The following KIAA0930 variants were observed in gnomAD, a reference collection of about 807,000 sequenced individuals.
KIAA0930 encodes the protein KIAA0930.
In KIAA0930, 24 loss-of-function variants were observed where a neutral mutation model predicts 43.9. That is an observed-to-expected ratio of 0.55 (90% confidence interval 0.40 to 0.77). The LOEUF (loss-of-function observed/expected upper bound fraction) is 0.77. Among genes scored for constraint, KIAA0930 ranks in the 30% least tolerant of loss-of-function variants. The pLI is 0.00. For synonymous variants in KIAA0930, 259 were observed against 216.4 expected, an observed-to-expected ratio of 1.20 and a Z score of -1.73; for missense variants, 461 against 574.2, an observed-to-expected ratio of 0.80 and a Z score of 2.02.
At chr22:45,199,842 G>C (rs755776356) in intron 8 of KIAA0930, 31 bp downstream of exon 8, 4 of 1,513,882 alleles carry the variant, frequency 2.6e-6, no homozygotes, top group Non-Finnish European at 3.6e-6. Flanking sequence ...TGAAGGGCAC[G>C]GGGACCCTAG....
At chr22:45,227,479 G>C (rs1477364384) in intron 1 of KIAA0930, among the ~76,000 whole-genome samples, 1 of 152,174 alleles carries the variant, frequency 6.6e-6, no homozygotes, top group Admixed American at 6.5e-5. Flanking sequence ...ATATGTTTGA[G>C]CATGAGAAGG....
intron 1 of KIAA0930, chr22:45,212,432 G>A (rs750215099): frequency 2.0e-6 from 3 of 1,497,630 alleles, no homozygotes; most frequent in Middle Eastern, 2.3e-4. Flanking sequence ...AGCCAGGAAC[G>A]CCACTGGCTG....
chr22:45,237,129 T>C (rs1038501518), intron 1 of KIAA0930, among the ~76,000 whole-genome samples: 2 of 152,262 alleles, frequency 1.3e-5, no homozygotes, highest in Admixed American at 1.3e-4. Context: ...TTTGTCCCCC[T>C]TCAGTCCAAA....
In KIAA0930 at chr22:45,197,281, C is replaced by T. The variant is rs1431296398; in HGVS notation, c.1175-65G>A. On this transcript the variant is annotated intron_variant, in intron 9 of 9. Transcript: ENST00000336156. ...TCAACAGCGGTGAGTGCTATGGTCA[C>T]GGCAGTGCCACTTCTGAAGGAAGCC... is the stretch of plus-strand genomic sequence containing the variant. 33 of 1,424,294 alleles carry T rather than the reference C, an allele frequency of 2.3e-5. No individual in the cohort carries two copies. In the Admixed American group the frequency reaches 4.6e-4, roughly 20 times the overall value. 88.2% of individuals were successfully genotyped at this position (1,424,294 alleles called of 1,614,324 possible). A position where few individuals can be genotyped will look rare whatever the true frequency, so the allele number is the denominator to read the frequency against.
chr22:45,199,939 C>T lies in KIAA0930; in HGVS notation c.949G>A (p.Ala317Thr), dbSNP rs745738357. ...GCCGAGTGCGACTTCTTCATCTCAG[C>T]GATCCGGTTCCGGGGCACCTTCCTC... is the stretch of plus-strand genomic sequence containing the variant. ...LKRKVPRNRI[A>T]EMKKSHSAND... The change falls in exon 8 of 10, where the codon GCT becomes ACT. Residue 317 changes from alanine (A) to threonine (T), a missense_variant. Transcript: ENST00000336156. The T allele has an allele frequency of 9.9e-6, 16 of 1,609,202 alleles. No homozygotes were observed. Among genetic ancestry groups the T allele is most frequent in the South Asian group, 9.9e-5 (9 of 90,588 alleles).
intron 8 of KIAA0930, 82 bp downstream of exon 8, chr22:45,199,779 CAAATGAATGAAT>C (rs1241369989): frequency 7.9e-7 from 1 of 1,269,000 alleles, no homozygotes; most frequent in Non-Finnish European, 1.1e-6. Flanking sequence ...GCTGAATGAA[CAAATGAATGAAT>C]GAATAAATGA....
chr22:45,200,303 C>T (rs2083576364), intron 7 of KIAA0930: 1 of 407,774 alleles, frequency 2.5e-6, no homozygotes, highest in Admixed American at 4.3e-5. Flanking sequence ...AGAAAGACCC[C>T]CCTCCTCTGG....
intron 6 of KIAA0930, 110 bp downstream of exon 6, chr22:45,203,735 C>T (rs768256879): frequency 2.9e-5 from 37 of 1,283,340 alleles, no homozygotes; most frequent in East Asian, 5.0e-5. Flanking sequence ...CCCTGGCGGC[C>T]GCTACCATGC....
chr22:45,208,294 G>C (rs1361253977), intron 2 of KIAA0930, among the ~76,000 whole-genome samples: 1 of 152,152 alleles, frequency 6.6e-6, no homozygotes, highest in Non-Finnish European at 1.5e-5. Flanking sequence ...TCCAATGTAT[G>C]AGCTGTGAGA....
intron 1 of KIAA0930, among the ~76,000 whole-genome samples, chr22:45,217,292 C>T (rs1365949220): frequency 1.5e-5 from 2 of 130,084 alleles, no homozygotes; most frequent in Admixed American, 9.6e-5. Flanking sequence ...ACCCGGGAGG[C>T]GGAAGTTGCA....
At chr22:45,236,431 C>T (rs931016361) in intron 1 of KIAA0930, among the ~76,000 whole-genome samples, 4 of 152,146 alleles carry the variant, frequency 2.6e-5, no homozygotes, top group African/African-American at 9.7e-5. Flanking sequence ...CCTCCATCCA[C>T]ACAAGCCCAT....
chr22:45,225,093 C>T (rs998899463), intron 1 of KIAA0930, among the ~76,000 whole-genome samples: 4 of 152,158 alleles, frequency 2.6e-5, no homozygotes, highest in Admixed American at 2.6e-4. Flanking sequence ...CAACTGGACT[C>T]TTTGGGGAGA....
chr22:45,223,556 C>T (rs776940183), intron 1 of KIAA0930, among the ~76,000 whole-genome samples: 2 of 151,932 alleles, frequency 1.3e-5, no homozygotes, highest in African/African-American at 2.4e-5. Flanking sequence ...GTGCTGGCAC[C>T]GAGCCAGCAC....
intron 1 of KIAA0930, among the ~76,000 whole-genome samples, chr22:45,237,924 CTT>C (rs35293203): frequency 5.5e-4 from 79 of 143,608 alleles, no homozygotes; most frequent in African/African-American, 8.0e-4. Context: ...AAAATGAGCC[CTT>C]TTTTTTTTTT....
At chr22:45,203,644 C>T (rs1471122807) in intron 6 of KIAA0930, among the ~76,000 whole-genome samples, 3 of 152,194 alleles carry the variant, frequency 2.0e-5, no homozygotes, top group Non-Finnish European at 4.4e-5. Flanking sequence ...AAGTGGCCCG[C>T]ATGGGCTGAG....
At chr22:45,205,584 C>A (rs780638267) in intron 4 of KIAA0930, 46 bp downstream of exon 4, 17 of 1,579,868 alleles carry the variant, frequency 1.1e-5, no homozygotes, top group Non-Finnish European at 1.4e-5. Context: ...CACGCCCAGC[C>A]TGAACTGGCA....
In KIAA0930 at chr22:45,240,474, TG is replaced by T. The variant is rs139084178; in HGVS notation, c.64+165del. The stretch of plus-strand genomic sequence containing the variant: ...GAGACAGACCCAGATGCAGGGACGG[TG>T]GGGGGGGGGCCATGGAGGAAGACAG... On this transcript the variant is annotated intron_variant, in intron 1 of 9. Transcript: ENST00000336156. Among the ~76,000 whole-genome samples, 792 of 122,708 alleles carry T rather than the reference TG, an allele frequency of 6.5e-3. 3 individuals carry two copies. The highest frequency in any genetic ancestry group is 0.015 in the East Asian group (61 of 4,162). The allele number at this position is 122,708 out of a possible 152,430, so 80.5% of individuals were successfully genotyped here. A position where few individuals can be genotyped will look rare whatever the true frequency, so the allele number is the denominator to read the frequency against.
intron 2 of KIAA0930, among the ~76,000 whole-genome samples, chr22:45,208,913 G>T (rs556972639): frequency 6.6e-6 from 1 of 152,284 alleles, no homozygotes; most frequent in African/African-American, 2.4e-5. Context: ...TGAGACACAG[G>T]GCTCCGGCCA....
At chr22:45,213,454 G>T (rs1043089487) in intron 1 of KIAA0930, 1 of 1,254,800 alleles carries the variant, frequency 8.0e-7, no homozygotes, top group Non-Finnish European at 1.0e-6. Flanking sequence ...GAGAGCCCAC[G>T]GGACTGGCAA....
Sources: allele counts gnomAD v4.1 joint callset (sites outside exome capture counted in the v4.1 genomes callset), GRCh38; gene constraint gnomAD v4.1.1; transcripts MANE v1.5; gene names NCBI Gene and HGNC (gene_info 2026-07-23, HGNC 2026-07-21).